The following ARHGAP26 variants were observed in gnomAD, a reference collection of about 807,000 sequenced individuals.
ARHGAP26 encodes rho GTPase-activating protein 26.
In ARHGAP26, 38 loss-of-function variants were observed where a neutral mutation model predicts 104.8. That is an observed-to-expected ratio of 0.36 (90% CI 0.28 to 0.48). ARHGAP26 has a LOEUF of 0.48. ARHGAP26 is among the 20% of genes least tolerant of loss of function. ARHGAP26 has a pLI of 0.99. For missense variants in ARHGAP26, 704 were observed against 947.9 expected, an observed-to-expected ratio of 0.74 and a Z score of 3.38; for synonymous variants, 341 against 340.0, an observed-to-expected ratio of 1.00 and a Z score of -0.03.
chr5:143,165,839 G>A (rs1405408045), intron 20 of ARHGAP26, among the ~76,000 whole-genome samples: 1 of 152,118 alleles, frequency 6.6e-6, no homozygotes, highest in Non-Finnish European at 1.5e-5. Context: ...TTCTGAGTAC[G>A]ACGAACAGTT....
intron 11 of ARHGAP26, among the ~76,000 whole-genome samples, chr5:142,972,074 C>A (rs533446290): frequency 2.6e-5 from 4 of 151,960 alleles, no homozygotes; most frequent in Admixed American, 1.3e-4. Flanking sequence ...CCCAGCTACT[C>A]GGGAGGCTGG....
At chr5:142,950,033 A>G (rs1292696696) in intron 11 of ARHGAP26, among the ~76,000 whole-genome samples, 4 of 152,228 alleles carry the variant, frequency 2.6e-5, no homozygotes, top group Non-Finnish European at 5.9e-5. Context: ...TTGTGAGCTG[A>G]AGAGGGCCTT....
chr5:143,053,653 A>C (rs1785351712), intron 14 of ARHGAP26, among the ~76,000 whole-genome samples: 1 of 152,272 alleles, frequency 6.6e-6, no homozygotes, highest in African/African-American at 2.4e-5. Context: ...AGTCCATGCA[A>C]GAAGAGACAA....
chr5:143,012,210 A>G (rs1465593710), intron 11 of ARHGAP26, among the ~76,000 whole-genome samples: 1 of 152,050 alleles, frequency 6.6e-6, no homozygotes, highest in Non-Finnish European at 1.5e-5. Flanking sequence ...GTGGCCTGGT[A>G]GCTTTAGTTT....
chr5:143,115,785 A>G (rs529592468), intron 17 of ARHGAP26, among the ~76,000 whole-genome samples: 2 of 152,212 alleles, frequency 1.3e-5, no homozygotes, highest in Non-Finnish European at 2.9e-5. Context: ...GTGAGGAAAC[A>G]GGTTTAGAGA....
intron 12 of ARHGAP26, among the ~76,000 whole-genome samples, chr5:143,024,282 T>C (rs1780734133): frequency 1.3e-5 from 2 of 152,124 alleles, no homozygotes; most frequent in South Asian, 2.1e-4. Flanking sequence ...TCAGAAGCCT[T>C]TCTGCTTGTC....
chr5:142,849,134 G>A (rs945043180), intron 1 of ARHGAP26, among the ~76,000 whole-genome samples: 1 of 152,172 alleles, frequency 6.6e-6, no homozygotes, highest in African/African-American at 2.4e-5. Context: ...CTTTAGAAGG[G>A]CATAAAGGGA....
intron 1 of ARHGAP26, among the ~76,000 whole-genome samples, chr5:142,788,470 T>G (rs1050960946): frequency 6.6e-6 from 1 of 152,166 alleles, no homozygotes; most frequent in Non-Finnish European, 1.5e-5. Flanking sequence ...TTAAATTTAT[T>G]TGAACCATAC....
At chr5:142,796,033 T>A (rs1760916109) in intron 1 of ARHGAP26, among the ~76,000 whole-genome samples, 1 of 151,336 alleles carries the variant, frequency 6.6e-6, no homozygotes, top group Non-Finnish European at 1.5e-5. Context: ...TATAATTTAC[T>A]TTGTTTACTA....
At chr5:142,981,001 G>A (rs1773867382) in intron 11 of ARHGAP26, among the ~76,000 whole-genome samples, 1 of 152,128 alleles carries the variant, frequency 6.6e-6, no homozygotes, top group Non-Finnish European at 1.5e-5. Context: ...TTCATTTCCT[G>A]GGTGAGTAAT....
intron 11 of ARHGAP26, among the ~76,000 whole-genome samples, chr5:142,989,316 C>G (rs916049550): frequency 6.6e-6 from 1 of 152,112 alleles, no homozygotes; most frequent in Non-Finnish European, 1.5e-5. Context: ...ATTGCAACTC[C>G]TGCTTTTTTT....
intron 11 of ARHGAP26, among the ~76,000 whole-genome samples, chr5:142,936,953 T>A (rs1562112983): frequency 6.6e-6 from 1 of 152,136 alleles, no homozygotes; most frequent in Non-Finnish European, 1.5e-5. Flanking sequence ...TAGGACTAGA[T>A]GAAGAGTTTT....
rs10042074 is a variant in ARHGAP26 at position 142,771,377 on chromosome 5, T to C, written c.154+462T>C. The C allele has an allele frequency of 0.14, 175,560 of 1,231,858 alleles. 28,865 individuals carry two copies. The highest frequency in any genetic ancestry group is 0.78 in the African/African-American group (50,415 of 64,458). 76.3% of individuals were successfully genotyped at this position (1,231,858 alleles called of 1,614,324 possible). A position where few individuals can be genotyped will look rare whatever the true frequency, so the allele number is the denominator to read the frequency against. ...GGCGCTGCCTCCCCTTGGGAAAAGG[T>C]GGGTTGTGACTGCTTCGCTCCCTGT... On this transcript the variant is annotated intron_variant, in intron 1 of 22. Coordinates refer to ENST00000645722, the MANE Select transcript of ARHGAP26 (RefSeq NM_001135608.3).
chr5:143,082,482 G>T lies in ARHGAP26; in HGVS notation c.1538+24735G>T, dbSNP rs577094954. On this transcript the variant is annotated intron_variant, in intron 17 of 22. Coordinates refer to ENST00000645722, the MANE Select transcript of ARHGAP26 (RefSeq NM_001135608.3). ...TTGTTGAAAACCTGTTATATGTCAG[G>T]TGCTTTAGATATCTGGTATCTACTA... is the stretch of plus-strand genomic sequence containing the variant. Among the ~76,000 whole-genome samples the T allele has an allele frequency of 1.3e-4, 20 of 152,330 alleles. No individual in the cohort carries two copies. The South Asian group carries it at 3.9e-3, about 30-fold the overall frequency.
At chr5:143,009,391 C>T (rs370165201) in intron 11 of ARHGAP26, among the ~76,000 whole-genome samples, 4 of 152,104 alleles carry the variant, frequency 2.6e-5, no homozygotes, top group Non-Finnish European at 5.9e-5. Context: ...GGAGACAGAC[C>T]GTGGGAGTTC....
intron 20 of ARHGAP26, chr5:143,147,617 T>C: frequency 2.0e-6 from 1 of 488,984 alleles, no homozygotes; most frequent in Admixed American, 3.8e-5. Context: ...TGATTTACTG[T>C]CCTGCTGAGA....
At chr5:142,943,387 C>T (rs1387682681) in intron 11 of ARHGAP26, among the ~76,000 whole-genome samples, 1 of 152,092 alleles carries the variant, frequency 6.6e-6, no homozygotes, top group Non-Finnish European at 1.5e-5. Flanking sequence ...GATCAAGGCA[C>T]CATCAAATTT....
At chr5:143,032,463 C>A (rs1782009869) in intron 12 of ARHGAP26, among the ~76,000 whole-genome samples, 1 of 152,138 alleles carries the variant, frequency 6.6e-6, no homozygotes, top group Admixed American at 6.5e-5. Flanking sequence ...CTAATAAATC[C>A]CTGACCTTTT....
rs1358662831 is a variant in ARHGAP26, at chr5:142,849,280, G to A, written c.155-24120G>A. ...TGGACTCTTGTGTTCTCACTCTTGGGTAAGACAGGTTCTCACACCAAAAAG... is the reference window on the plus strand; with the variant it reads ...TGGACTCTTGTGTTCTCACTCTTGGATAAGACAGGTTCTCACACCAAAAAG... On this transcript the variant is annotated intron_variant, in intron 1 of 22. Coordinates refer to ENST00000645722, the MANE Select transcript of ARHGAP26 (RefSeq NM_001135608.3). 8.5e-5 allele frequency among the ~76,000 whole-genome samples: 13 copies of A among 152,120 alleles called. 1 individual carries two copies. Among genetic ancestry groups the A allele is most frequent in the Admixed American group, 7.9e-4 (12 of 15,284 alleles).
Sources: gnomAD v4.1 joint callset for allele counts (sites outside exome capture counted in the v4.1 genomes callset) on GRCh38, gnomAD v4.1.1 for gene constraint, MANE v1.5 for transcripts, NCBI Gene and HGNC (gene_info 2026-07-23, HGNC 2026-07-21) for gene names.